The following OR2L13 variants were observed in gnomAD, a reference collection of about 807,000 sequenced individuals.
OR2L13 encodes olfactory receptor family 2 subfamily L member 13.
OR2L13 carries 14 observed loss-of-function variants against 15.3 expected under a neutral mutation model. That is an observed-to-expected ratio of 0.91 (90% CI 0.60 to 1.43). The LOEUF is 1.43. Among genes scored for constraint, OR2L13 ranks in the 40% most tolerant of loss-of-function variants. The pLI is 0.00. For synonymous variants in OR2L13, 152 were observed against 142.9 expected, an observed-to-expected ratio of 1.06 and a Z score of -0.45; for missense variants, 367 against 387.9, an observed-to-expected ratio of 0.95 and a Z score of 0.45.
chr1:247,937,555 C>A, the OR2L13 span: 6 of 161,108 alleles, frequency 3.7e-5, no homozygotes, highest in Non-Finnish European at 8.1e-5. Context: ...GACTCCTCCC[C>A]TCCCATCAGC....
At chr1:248,006,243 ATGTGTG>A in the OR2L13 span, among the ~76,000 whole-genome samples, 8,172 of 139,640 alleles carry the variant, frequency 0.059, 273 homozygotes, top group African/African-American at 0.075. Flanking sequence ...ATTGCAAGAT[ATGTGTG>A]TGTGTGTGTG....
the OR2L13 span, chr1:248,083,876 A>C: frequency 6.2e-7 from 1 of 1,611,456 alleles, no homozygotes. Context: ...CCACATGTGA[A>C]GAGCAGGTGG....
At chr1:248,091,951 GTC>G (rs1365779904), upstream of OR2L13, among the ~76,000 whole-genome samples, 3 of 152,016 alleles carry the variant, frequency 2.0e-5, no homozygotes, top group African/African-American at 7.2e-5. Flanking sequence ...ATTTGTTGGT[GTC>G]TCTCCAATTC....
chr1:248,000,349 G>A, the OR2L13 span, among the ~76,000 whole-genome samples: 9 of 152,084 alleles, frequency 5.9e-5, no homozygotes, highest in Non-Finnish European at 1.3e-4. Flanking sequence ...TCACTGCACA[G>A]TCATGAGTAA....
At chr1:248,078,159 G>A in the OR2L13 span, among the ~76,000 whole-genome samples, 1 of 152,152 alleles carries the variant, frequency 6.6e-6, no homozygotes, top group Non-Finnish European at 1.5e-5. Flanking sequence ...ATGCAATTGG[G>A]TATTTCAAAA....
At chr1:247,960,755 TCTC>T in the OR2L13 span, among the ~76,000 whole-genome samples, 75 of 152,274 alleles carry the variant, frequency 4.9e-4, no homozygotes, top group Admixed American at 8.5e-4. Flanking sequence ...GCGGGATTAA[TCTC>T]CTGGTGTGCC....
At chr1:248,038,097 G>C in the OR2L13 span, 50 of 520,654 alleles carry the variant, frequency 9.6e-5, no homozygotes, top group Non-Finnish European at 1.4e-5. Context: ...ATAAATTAAA[G>C]TTTATAATAT....
At chr1:248,003,956 T>G in the OR2L13 span, 1 of 1,613,852 alleles carries the variant, frequency 6.2e-7, no homozygotes, top group South Asian at 1.1e-5. Flanking sequence ...TCTGGCTGTC[T>G]TCTACACCAC....
chr1:247,955,028 A>G, the OR2L13 span, among the ~76,000 whole-genome samples: 5 of 152,008 alleles, frequency 3.3e-5, no homozygotes, highest in East Asian at 7.8e-4. Context: ...TACATGTGCC[A>G]TGTTGGTGTG....
the OR2L13 span, among the ~76,000 whole-genome samples, chr1:248,044,849 C>CAAGTG: frequency 6.6e-6 from 1 of 150,622 alleles, no homozygotes; most frequent in Non-Finnish European, 1.5e-5. Flanking sequence ...ACGCCTTCCC[C>CAAGTG]AAGTGTCTCC....
chr1:248,009,327 A>G, the OR2L13 span, among the ~76,000 whole-genome samples: 1 of 152,136 alleles, frequency 6.6e-6, no homozygotes, highest in Non-Finnish European at 1.5e-5. Context: ...ACAATAAAAA[A>G]TGATAAAGGG....
the OR2L13 span, chr1:248,039,088 C>A: frequency 6.2e-7 from 1 of 1,614,096 alleles, no homozygotes; most frequent in Non-Finnish European, 8.5e-7. Context: ...AAGATTCTGG[C>A]TGTTTTCTAC....
the OR2L13 span, among the ~76,000 whole-genome samples, chr1:247,941,354 T>G: frequency 6.6e-6 from 1 of 152,116 alleles, no homozygotes; most frequent in African/African-American, 2.4e-5. Context: ...TATTGAAAGG[T>G]TTGCTCTCTG....
At chr1:248,004,658 C>A in the OR2L13 span, among the ~76,000 whole-genome samples, 1 of 150,094 alleles carries the variant, frequency 6.7e-6, no homozygotes. Flanking sequence ...GGAATGAATC[C>A]CAGGAAATGA....
the OR2L13 span, among the ~76,000 whole-genome samples, chr1:247,972,745 A>C: frequency 6.6e-6 from 1 of 152,256 alleles, no homozygotes; most frequent in African/African-American, 2.4e-5. Context: ...CAAACAATAG[A>C]AAAAGAGGAA....
chr1:248,076,745 G>C, the OR2L13 span, among the ~76,000 whole-genome samples: 1 of 152,224 alleles, frequency 6.6e-6, no homozygotes, highest in South Asian at 2.1e-4. Flanking sequence ...TTTTTGGGCT[G>C]AGATGATGGG....
the OR2L13 span, among the ~76,000 whole-genome samples, chr1:248,088,863 T>C: frequency 1.3e-5 from 2 of 152,182 alleles, no homozygotes; most frequent in Non-Finnish European, 2.9e-5. Context: ...TTTATACTAA[T>C]GGAAAACAAA....
the OR2L13 span, among the ~76,000 whole-genome samples, chr1:248,028,004 G>C: frequency 6.6e-6 from 1 of 151,856 alleles, no homozygotes; most frequent in Non-Finnish European, 1.5e-5. Flanking sequence ...AGCTGGGCGT[G>C]GTTGTGGGTG....
the OR2L13 span, among the ~76,000 whole-genome samples, chr1:247,967,377 C>T: frequency 7.9e-5 from 12 of 151,992 alleles, no homozygotes; most frequent in African/African-American, 2.4e-4. Context: ...TACAGGCACC[C>T]GCCACCACAC....
Sources: gnomAD v4.1 joint callset for allele counts (sites outside exome capture counted in the v4.1 genomes callset) on GRCh38, gnomAD v4.1.1 for gene constraint, MANE v1.5 for transcripts, NCBI Gene and HGNC (gene_info 2026-07-23, HGNC 2026-07-21) for gene names.